RAP1GAP2: variants seen among roughly 807,000 people sequenced by gnomAD.
RAP1GAP2 encodes RAP1 GTPase activating protein 2.
Under a neutral mutation model 95.0 loss-of-function variants are expected in RAP1GAP2, and 27 were observed. The ratio of observed to expected loss-of-function variants is 0.28; its 90% CI spans 0.21 to 0.39. RAP1GAP2 has a LOEUF of 0.39. Ranked by LOEUF, RAP1GAP2 falls within the 10% of genes least tolerant of loss-of-function variation. The pLI is 1.00. For synonymous variants in RAP1GAP2, 373 were observed against 380.9 expected (o/e 0.98, Z 0.24); for missense variants, 771 against 970.0 (o/e 0.79, Z 2.72).
chr17:2,877,731 A>G (rs1424099640), intron 2 of RAP1GAP2, among the ~76,000 whole-genome samples: 2 of 152,218 alleles, frequency 1.3e-5, no homozygotes, highest in African/African-American at 2.4e-5. Flanking sequence ...AGCCTGGGTG[A>G]CAGAGAATTA....
At chr17:2,861,094 T>C (rs1254477700) in intron 2 of RAP1GAP2, among the ~76,000 whole-genome samples, 2 of 152,196 alleles carry the variant, frequency 1.3e-5, no homozygotes, top group South Asian at 2.1e-4. Flanking sequence ...CCTTTGCACC[T>C]GCTGTTTACA....
rs1415279329 is a variant in RAP1GAP2 at position 3,004,446 on chromosome 17, G to A, written c.1201-923G>A. On this transcript the variant is annotated intron_variant, in intron 14 of 24. Coordinates refer to ENST00000254695, the MANE Select transcript of RAP1GAP2 (RefSeq NM_015085.5). This position sits in a 1 kb window ranked among gnomAD's most constrained non-coding sequence, Gnocchi z 4.1. ...CCGGGGAGGCTGGCAGCACGCCAGG[G>A]CTGGGCTCACGTCAGCGGCTGTGTA... 6.6e-6 allele frequency among the ~76,000 whole-genome samples: 1 copy of A among 152,262 alleles called. No individual in the cohort carries two copies. The highest frequency in any genetic ancestry group is 2.4e-5 in the African/African-American group (1 of 41,474).
At chr17:2,947,895 G>A (rs2043764272) in intron 3 of RAP1GAP2, among the ~76,000 whole-genome samples, 1 of 152,106 alleles carries the variant, frequency 6.6e-6, no homozygotes. Context: ...ACTCTGACCT[G>A]TTTGCTTCTC....
At chr17:2,921,670 G>A (rs557726065) in intron 3 of RAP1GAP2, among the ~76,000 whole-genome samples, 1 of 151,884 alleles carries the variant, frequency 6.6e-6, no homozygotes, top group African/African-American at 2.4e-5. Flanking sequence ...GGCCGTTAAG[G>A]TGTCAGCAGG....
At chr17:2,757,901 A>G (rs964509163) in intron 1 of RAP1GAP2, among the ~76,000 whole-genome samples, 14 of 148,496 alleles carry the variant, frequency 9.4e-5, no homozygotes, top group Admixed American at 2.0e-4. Context: ...ATGGAGTCTC[A>G]CACTGTCACC....
chr17:2,900,069 G>C (rs77058103), intron 2 of RAP1GAP2, among the ~76,000 whole-genome samples: 1 of 152,176 alleles, frequency 6.6e-6, no homozygotes, highest in African/African-American at 2.4e-5. Flanking sequence ...GTAGCTGAGC[G>C]TGGGTGGATG....
At chr17:2,854,073 C>T in intron 2 of RAP1GAP2, 2 of 985,396 alleles carry the variant, frequency 2.0e-6, no homozygotes, top group South Asian at 4.7e-5. Context: ...GACTCCTGCA[C>T]AAATCCCGGA....
At chr17:2,815,943 G>A (rs1324278938) in intron 2 of RAP1GAP2, among the ~76,000 whole-genome samples, 1 of 152,240 alleles carries the variant, frequency 6.6e-6, no homozygotes, top group Non-Finnish European at 1.5e-5. Context: ...TGGTACATGC[G>A]TGGACGCAGT....
Position 2,942,475 on chromosome 17 carries a change from G to A in RAP1GAP2, c.166-15284G>A, listed in dbSNP as rs1400228710. 1.3e-5 allele frequency among the ~76,000 whole-genome samples: 2 copies of A among 152,036 alleles called. 1 individual carries two copies. Among genetic ancestry groups the A allele is most frequent in the Admixed American group, 1.3e-4 (2 of 15,246 alleles). ...TTTGTGTCATCCATGTACAAAAATTGGGAGACTCACACAAAAAATTGGATT... is the reference window on the plus strand; with the variant it reads ...TTTGTGTCATCCATGTACAAAAATTAGGAGACTCACACAAAAAATTGGATT... On this transcript the variant is annotated intron_variant, in intron 3 of 24. Transcript: ENST00000254695.
intron 1 of RAP1GAP2, among the ~76,000 whole-genome samples, chr17:2,761,199 C>T (rs1401577485): frequency 6.6e-6 from 1 of 151,626 alleles, no homozygotes; most frequent in Non-Finnish European, 1.5e-5. Flanking sequence ...AAATGATCCA[C>T]CCATCTCGGC....
intron 3 of RAP1GAP2, among the ~76,000 whole-genome samples, chr17:2,946,197 C>T (rs117290096): frequency 1.3e-4 from 20 of 152,250 alleles, no homozygotes; most frequent in Non-Finnish European, 2.6e-4. Flanking sequence ...ATTGGTACTT[C>T]GTTGAGGATG....
intron 3 of RAP1GAP2, among the ~76,000 whole-genome samples, chr17:2,941,515 G>A (rs1337434305): frequency 2.0e-5 from 3 of 152,162 alleles, no homozygotes; most frequent in Non-Finnish European, 4.4e-5. Context: ...GGAGGCAGGA[G>A]CCCGAGGCGC....
intron 2 of RAP1GAP2, among the ~76,000 whole-genome samples, chr17:2,810,691 C>T (rs911653866): frequency 2.0e-5 from 3 of 151,906 alleles, no homozygotes; most frequent in South Asian, 2.1e-4. Flanking sequence ...CCACCACACC[C>T]GGCTAATTTT....
intron 3 of RAP1GAP2, among the ~76,000 whole-genome samples, chr17:2,950,097 A>G (rs2043864408): frequency 7.0e-6 from 1 of 143,430 alleles, no homozygotes; most frequent in Non-Finnish European, 1.5e-5. Flanking sequence ...TCTGTTGCCC[A>G]GGCTGGAGTG....
chr17:2,926,731 G>A (rs768740514), intron 3 of RAP1GAP2, among the ~76,000 whole-genome samples: 7 of 152,040 alleles, frequency 4.6e-5, no homozygotes, highest in African/African-American at 7.2e-5. Flanking sequence ...GGGGCTGGGC[G>A]CGATGGCTCA....
rs925942212 is a variant in RAP1GAP2 at position 2,963,621 on chromosome 17, A to G, written c.279+159A>G. On this transcript the variant is annotated intron_variant, in intron 6 of 24. Transcript: ENST00000254695. This position sits in a 1 kb window ranked among gnomAD's most constrained non-coding sequence, Gnocchi z 4.8. Reference sequence around the variant, plus strand: ...TTGCCTTTGTAACCTCAGCTTCTCCATGTGTTAAGTTGGGGGTGCTCATCT... The same window carrying G: ...TTGCCTTTGTAACCTCAGCTTCTCCGTGTGTTAAGTTGGGGGTGCTCATCT... 1.3e-5 allele frequency among the ~76,000 whole-genome samples: 2 copies of G among 152,000 alleles called. No homozygotes were observed. Among genetic ancestry groups the G allele is most frequent in the Non-Finnish European group, 1.5e-5 (1 of 67,982 alleles).
intron 2 of RAP1GAP2, among the ~76,000 whole-genome samples, chr17:2,851,794 ACTC>A (rs768415595): frequency 6.6e-6 from 1 of 151,836 alleles, no homozygotes; most frequent in Non-Finnish European, 1.5e-5. Context: ...CTGGTCTAGA[ACTC>A]CTGGTCTCAA....
chr17:2,893,545 T>G (rs940228607), intron 2 of RAP1GAP2, among the ~76,000 whole-genome samples: 13 of 152,238 alleles, frequency 8.5e-5, no homozygotes, highest in African/African-American at 3.1e-4. Flanking sequence ...GAATGAATCA[T>G]AAGATGAATG....
intron 1 of RAP1GAP2, among the ~76,000 whole-genome samples, chr17:2,770,038 A>G (rs1386246170): frequency 6.9e-6 from 1 of 144,530 alleles, no homozygotes; most frequent in Non-Finnish European, 1.5e-5. Flanking sequence ...GCACCACTGC[A>G]CTCCAGCCTG....
Sources: allele counts gnomAD v4.1 joint callset (sites outside exome capture counted in the v4.1 genomes callset), GRCh38; gene constraint gnomAD v4.1.1; non-coding constraint Gnocchi (gnomAD v3.1); transcripts MANE v1.5; gene names NCBI Gene and HGNC (gene_info 2026-07-23, HGNC 2026-07-21).